The following WWOX variants were observed in gnomAD, a reference collection of about 807,000 sequenced individuals.
WWOX encodes the protein WW domain containing oxidoreductase, also known as WW domain-containing oxidoreductase.
Under a neutral mutation model 46.2 loss-of-function variants are expected in WWOX, and 69 were observed. The observed-to-expected ratio is 1.49, with a 90% confidence interval of 1.23 to 1.82. WWOX has a LOEUF of 1.82. WWOX is among the 40% of genes most tolerant of loss of function. The pLI is 0.00. For synonymous variants in WWOX, 359 were observed against 202.6 expected (o/e 1.77, Z -6.56); for missense variants, 919 against 542.6 (o/e 1.69, Z -6.89).
chr16:78,771,468 A>G (rs896107199), intron 8 of WWOX, among the ~76,000 whole-genome samples: 10 of 152,200 alleles, frequency 6.6e-5, no homozygotes, highest in Non-Finnish European at 1.0e-4. Context: ...ACGGAATTGT[A>G]TCCTTAAAAA....
chr16:78,121,602 A>G (rs994694380), intron 4 of WWOX, among the ~76,000 whole-genome samples: 5 of 152,048 alleles, frequency 3.3e-5, no homozygotes, highest in Non-Finnish European at 5.9e-5. Context: ...TGTATGTTAT[A>G]TATATTTTTA....
chr16:78,792,029 C>T (rs1327461685), intron 8 of WWOX, among the ~76,000 whole-genome samples: 1 of 152,108 alleles, frequency 6.6e-6, no homozygotes, highest in Non-Finnish European at 1.5e-5. Flanking sequence ...CTTATTTCAC[C>T]TTGAGCTACA....
intron 6 of WWOX, among the ~76,000 whole-genome samples, chr16:78,406,270 A>G (rs570242738): frequency 7.2e-6 from 1 of 139,416 alleles, no homozygotes; most frequent in South Asian, 2.3e-4. Flanking sequence ...GGATGATGAT[A>G]TAATTTCCAT....
At chr16:78,648,858 T>C (rs555850383) in intron 8 of WWOX, among the ~76,000 whole-genome samples, 4 of 152,254 alleles carry the variant, frequency 2.6e-5, no homozygotes, top group African/African-American at 7.2e-5. Context: ...CTATTTGTTA[T>C]TATTTGGGTT....
At chr16:78,664,326 C>T (rs911937100) in intron 8 of WWOX, among the ~76,000 whole-genome samples, 5 of 152,190 alleles carry the variant, frequency 3.3e-5, no homozygotes, top group African/African-American at 9.6e-5. Flanking sequence ...GCTGGCCACC[C>T]AGGAGGCACC....
At chr16:78,586,701 C>A (rs1277729665) in intron 8 of WWOX, among the ~76,000 whole-genome samples, 2 of 152,122 alleles carry the variant, frequency 1.3e-5, no homozygotes, top group Admixed American at 6.5e-5. Context: ...TTCACATAAT[C>A]TCATTTCATC....
intron 8 of WWOX, among the ~76,000 whole-genome samples, chr16:78,885,690 G>A (rs1010390201): frequency 2.0e-5 from 3 of 152,054 alleles, no homozygotes; most frequent in East Asian, 1.9e-4. Flanking sequence ...GTTTCCATAG[G>A]GATAACTCAA....
At chr16:78,784,471 T>C (rs541917260) in intron 8 of WWOX, among the ~76,000 whole-genome samples, 2 of 152,072 alleles carry the variant, frequency 1.3e-5, no homozygotes, top group African/African-American at 4.8e-5. Context: ...ATTATTAATA[T>C]ACTAGATAAG....
At chr16:78,392,707 C>G (rs1391290477) in intron 6 of WWOX, among the ~76,000 whole-genome samples, 1 of 152,128 alleles carries the variant, frequency 6.6e-6, no homozygotes, top group Admixed American at 6.5e-5. Flanking sequence ...TCAAGAGACT[C>G]AATCAACTTC....
intron 8 of WWOX, among the ~76,000 whole-genome samples, chr16:78,549,398 C>G (rs991359990): frequency 6.6e-6 from 1 of 152,182 alleles, no homozygotes; most frequent in Non-Finnish European, 1.5e-5. Context: ...GACAGAATAT[C>G]ACTTTTTTAT....
intron 5 of WWOX, among the ~76,000 whole-genome samples, chr16:78,206,848 C>T (rs181485153): frequency 2.4e-4 from 37 of 152,262 alleles, no homozygotes; most frequent in African/African-American, 6.7e-4. Flanking sequence ...TGACAAAGTA[C>T]GGTTTCAGAC....
intron 8 of WWOX, among the ~76,000 whole-genome samples, chr16:78,446,790 G>A (rs4587989): frequency 0.11 from 17,026 of 149,472 alleles, 1,067 homozygotes; most frequent in East Asian, 0.21. Flanking sequence ...CCTCCTCAGT[G>A]GCTGGGATTA....
intron 8 of WWOX, among the ~76,000 whole-genome samples, chr16:78,752,395 C>A (rs2049505580): frequency 6.6e-6 from 1 of 152,184 alleles, no homozygotes; most frequent in Admixed American, 6.5e-5. Flanking sequence ...TCAAGCGATT[C>A]TTCTGCCTCA....
At chr16:78,124,910 T>C (rs1665967572) in intron 4 of WWOX, among the ~76,000 whole-genome samples, 1 of 152,152 alleles carries the variant, frequency 6.6e-6, no homozygotes, top group Non-Finnish European at 1.5e-5. Context: ...GAAACCTATT[T>C]CAGTGTCTCT....
At chr16:78,730,097 C>G (rs964241750) in intron 8 of WWOX, among the ~76,000 whole-genome samples, 2 of 152,094 alleles carry the variant, frequency 1.3e-5, no homozygotes, top group African/African-American at 4.8e-5. Flanking sequence ...GTGTTTTACT[C>G]CTTGCTATAA....
chr16:78,333,832 C>A (rs1044844949), intron 5 of WWOX, among the ~76,000 whole-genome samples: 6 of 152,086 alleles, frequency 3.9e-5, no homozygotes, highest in African/African-American at 1.4e-4. Flanking sequence ...AATAGTTAAT[C>A]CATTTAAGAA....
chr16:78,180,001 C>T (rs949580672), intron 5 of WWOX, among the ~76,000 whole-genome samples: 6 of 152,192 alleles, frequency 3.9e-5, no homozygotes, highest in African/African-American at 1.4e-4. Context: ...TTTTGGAAAG[C>T]AGACCAGCAG....
At chr16:78,436,326 G>C (rs1370854390) in intron 8 of WWOX, among the ~76,000 whole-genome samples, 1 of 152,180 alleles carries the variant, frequency 6.6e-6, no homozygotes, top group Non-Finnish European at 1.5e-5. Flanking sequence ...TCCAGGTGAA[G>C]GGACCCTGGT....
chr16:78,664,218 C>T (rs1353427540), intron 8 of WWOX, among the ~76,000 whole-genome samples: 2 of 152,290 alleles, frequency 1.3e-5, no homozygotes, highest in Admixed American at 1.3e-4. Flanking sequence ...CATGACCACA[C>T]TGAGCATATT....
Sources: allele counts gnomAD v4.1 joint callset (sites outside exome capture counted in the v4.1 genomes callset), GRCh38; gene constraint gnomAD v4.1.1; transcripts MANE v1.5; gene names NCBI Gene and HGNC (gene_info 2026-07-23, HGNC 2026-07-21).